Variants in PTPRD observed in about 807,000 individuals in gnomAD.
The protein encoded by PTPRD is protein tyrosine phosphatase receptor type D, also known as receptor-type tyrosine-protein phosphatase delta.
Under a neutral mutation model 214.5 loss-of-function variants are expected in PTPRD, and 34 were observed. The ratio of observed to expected loss-of-function variants is 0.16; its 90% CI spans 0.12 to 0.21. The LOEUF is 0.21. Ranked by LOEUF, PTPRD falls within the 10% of genes least tolerant of loss-of-function variation. The pLI, the probability that PTPRD is intolerant of heterozygous loss-of-function variation, is 1.00. For synonymous variants in PTPRD, 1,128 were observed against 845.7 expected (o/e 1.33, Z -5.79); for missense variants, 2,545 against 2,398.7 (o/e 1.06, Z -1.27).
At chr9:10,127,744 C>T (rs1174223924) in intron 3 of PTPRD, among the ~76,000 whole-genome samples, 2 of 152,068 alleles carry the variant, frequency 1.3e-5, no homozygotes, top group African/African-American at 4.8e-5. Context: ...CCAATCTGGC[C>T]TCATTTTCTC....
chr9:10,351,484 A>G (rs1284770752), intron 2 of PTPRD, among the ~76,000 whole-genome samples: 1 of 152,048 alleles, frequency 6.6e-6, no homozygotes, highest in Non-Finnish European at 1.5e-5. Flanking sequence ...CACCATTAAG[A>G]AAATATATTG....
rs542765442 is a variant in PTPRD at position 9,350,329 on chromosome 9, T to A, written c.-203+47120A>T. On this transcript the variant is annotated intron_variant, in intron 9 of 45. Coordinates refer to ENST00000381196, the MANE Select transcript of PTPRD (RefSeq NM_002839.4). ...CTTATAGGTGCAGAGGTATGTGATA[T>A]GGATTTCTGCATACAAATGTTATTC... Among the ~76,000 whole-genome samples, 3 of 152,206 alleles carry A rather than the reference T, an allele frequency of 2.0e-5. No homozygotes were observed. In the East Asian group the frequency reaches 5.8e-4, roughly 29 times the overall value.
chr9:9,257,673 C>G (rs1462468429), intron 9 of PTPRD, among the ~76,000 whole-genome samples: 2 of 151,810 alleles, frequency 1.3e-5, no homozygotes, highest in African/African-American at 2.4e-5. Flanking sequence ...ATAATGTGTG[C>G]CTACAGTCCC....
At chr9:8,843,488 T>C (rs969428678) in intron 11 of PTPRD, among the ~76,000 whole-genome samples, 1 of 152,204 alleles carries the variant, frequency 6.6e-6, no homozygotes, top group Non-Finnish European at 1.5e-5. Context: ...TACAACTTAG[T>C]GCAACACGGG....
At chr9:9,581,794 T>A (rs2090856577) in intron 7 of PTPRD, among the ~76,000 whole-genome samples, 1 of 152,152 alleles carries the variant, frequency 6.6e-6, no homozygotes, top group Non-Finnish European at 1.5e-5. Context: ...ATCCTATGAA[T>A]AATGTATGTA....
intron 11 of PTPRD, among the ~76,000 whole-genome samples, chr9:8,857,299 C>A (rs1210556724): frequency 1.3e-5 from 2 of 152,198 alleles, no homozygotes; most frequent in Non-Finnish European, 2.9e-5. Flanking sequence ...GATTGCCCCA[C>A]CGCTCCACCA....
rs546019049 is a variant in PTPRD, at chr9:9,703,131, C to T, written c.-287+31402G>A. On this transcript the variant is annotated intron_variant, in intron 7 of 45. Transcript: ENST00000381196. ...CCCTATGCTGTTCTCGCGATGGTGA[C>T]TTCTCATGAAATCTGATGGTTTTAT... Among the ~76,000 whole-genome samples the T allele has an allele frequency of 7.2e-5, 11 of 152,186 alleles. No homozygotes were observed. In the South Asian group the frequency reaches 2.1e-3, roughly 29 times the overall value.
intron 3 of PTPRD, among the ~76,000 whole-genome samples, chr9:10,097,042 A>G (rs1161094391): frequency 2.0e-5 from 3 of 151,682 alleles, no homozygotes; most frequent in Admixed American, 1.3e-4. Flanking sequence ...AAGATCAGAT[A>G]GTTGTAGATA....
chr9:9,843,636 A>C (rs1305024290), intron 5 of PTPRD, among the ~76,000 whole-genome samples: 1 of 152,012 alleles, frequency 6.6e-6, no homozygotes, highest in Non-Finnish European at 1.5e-5. Context: ...GACTTTAATA[A>C]AAGTAACAGC....
chr9:9,839,757 C>A (rs1379220835), intron 5 of PTPRD, among the ~76,000 whole-genome samples: 3 of 152,088 alleles, frequency 2.0e-5, no homozygotes, highest in African/African-American at 7.2e-5. Flanking sequence ...CAGTCCTAAG[C>A]TAAAAGAACA....
chr9:9,795,101 A>G (rs56944925), intron 5 of PTPRD, among the ~76,000 whole-genome samples: 488 of 152,354 alleles, frequency 3.2e-3, no homozygotes, highest in African/African-American at 0.011. Flanking sequence ...TATATGGTTT[A>G]AAACGTGAGA....
chr9:10,103,632 T>A (rs1346606479), intron 3 of PTPRD, among the ~76,000 whole-genome samples: 1 of 151,250 alleles, frequency 6.6e-6, no homozygotes, highest in African/African-American at 2.4e-5. Context: ...AGTGTGAAGG[T>A]CTGAGGGTTC....
intron 7 of PTPRD, among the ~76,000 whole-genome samples, chr9:9,732,777 G>A (rs922203531): frequency 1.3e-5 from 2 of 152,004 alleles, no homozygotes; most frequent in African/African-American, 4.8e-5. Flanking sequence ...ATACTTTGAT[G>A]AATACTTTTA....
chr9:9,299,775 G>T (rs1276649187), intron 9 of PTPRD, among the ~76,000 whole-genome samples: 1 of 151,104 alleles, frequency 6.6e-6, no homozygotes, highest in Non-Finnish European at 1.5e-5. Flanking sequence ...GTGGGATGAG[G>T]GAAAAGACAC....
intron 10 of PTPRD, among the ~76,000 whole-genome samples, chr9:9,043,838 A>C (rs1466908847): frequency 6.6e-6 from 1 of 151,674 alleles, no homozygotes; most frequent in Non-Finnish European, 1.5e-5. Context: ...TGGGAGGCGG[A>C]GGTTGCAACC....
chr9:10,222,055 G>A (rs1410770088), intron 3 of PTPRD, among the ~76,000 whole-genome samples: 1 of 151,990 alleles, frequency 6.6e-6, no homozygotes, highest in Admixed American at 6.6e-5. Flanking sequence ...GGTTACAGAA[G>A]TGTAAATTAC....
intron 3 of PTPRD, among the ~76,000 whole-genome samples, chr9:10,081,666 C>A (rs1391582278): frequency 1.3e-5 from 2 of 152,020 alleles, no homozygotes; most frequent in African/African-American, 4.8e-5. Flanking sequence ...ACCACCCAGT[C>A]TATGGTGCTT....
intron 11 of PTPRD, among the ~76,000 whole-genome samples, chr9:8,774,678 G>A (rs2095395480): frequency 6.6e-6 from 1 of 151,806 alleles, no homozygotes; most frequent in African/African-American, 2.4e-5. Context: ...GGGATTACAG[G>A]CATGCGCCAC....
intron 2 of PTPRD, among the ~76,000 whole-genome samples, chr9:10,500,586 C>G (rs537626319): frequency 6.6e-6 from 1 of 151,844 alleles, no homozygotes; most frequent in East Asian, 1.9e-4. Context: ...TTAAAATGTA[C>G]GATTAAATTA....
Sources: gnomAD v4.1 joint callset for allele counts (sites outside exome capture counted in the v4.1 genomes callset) on GRCh38, gnomAD v4.1.1 for gene constraint, MANE v1.5 for transcripts, NCBI Gene and HGNC (gene_info 2026-07-23, HGNC 2026-07-21) for gene names.